Variants in AGPAT3 observed in about 807,000 individuals in gnomAD.
The protein encoded by AGPAT3 is 1-acyl-sn-glycerol-3-phosphate acyltransferase gamma.
Under a neutral mutation model 47.3 loss-of-function variants are expected in AGPAT3, and 5 were observed. The ratio of observed to expected loss-of-function variants is 0.11; its 90% CI spans 0.06 to 0.22. AGPAT3 has a LOEUF of 0.22. Among genes scored for constraint, AGPAT3 ranks in the 10% least tolerant of loss-of-function variants. The pLI is 1.00. For synonymous variants in AGPAT3, 212 were observed against 208.3 expected (o/e 1.02, Z -0.15); for missense variants, 315 against 493.0 (o/e 0.64, Z 3.42).
chr21:43,932,181 C>A lies in AGPAT3; in HGVS notation c.-48-27453C>A, dbSNP rs2087271346. Among the ~76,000 whole-genome samples, 1 of 152,166 alleles carries A rather than the reference C, an allele frequency of 6.6e-6. No individual in the cohort carries two copies. The highest frequency in any genetic ancestry group is 6.5e-5 in the Admixed American group (1 of 15,268). On this transcript the variant is annotated intron_variant, in intron 2 of 9. Coordinates refer to ENST00000291572, the MANE Select transcript of AGPAT3 (RefSeq NM_020132.5). This position sits in a 1 kb window ranked among gnomAD's most constrained non-coding sequence, Gnocchi z 5.2. Reference sequence around the variant, plus strand: ...ATGATACGTTATTGTTAACTGGTCGCCACGCAGCGCGGCCGATCACGAACA... The same window carrying A: ...ATGATACGTTATTGTTAACTGGTCGACACGCAGCGCGGCCGATCACGAACA...
intron 1 of AGPAT3, among the ~76,000 whole-genome samples, chr21:43,888,384 T>C (rs2086027075): frequency 1.0e-5 from 1 of 95,302 alleles, no homozygotes; most frequent in Non-Finnish European, 2.0e-5. Context: ...CCACCTGGAA[T>C]TGTTTTTGTG....
Position 43,984,787 on chromosome 21 carries a change from C to G in AGPAT3, c.*2395C>G, listed in dbSNP as rs186084145. 33 of 184,944 alleles carry G rather than the reference C, an allele frequency of 1.8e-4. No homozygotes were observed. Among genetic ancestry groups the G allele is most frequent in the African/African-American group, 3.2e-4 (13 of 40,542 alleles). The allele number at this position is 184,944 out of a possible 1,614,324, so 11.5% of individuals were successfully genotyped here. A position where few individuals can be genotyped will look rare whatever the true frequency, so the allele number is the denominator to read the frequency against. On this transcript the variant is annotated 3_prime_UTR_variant, in exon 10 of 10. Coordinates refer to ENST00000291572, the MANE Select transcript of AGPAT3 (RefSeq NM_020132.5). ...TAAATTAAATTCATAAATCCCAGAA[C>G]AGTCTTTTTTTTTTCTTTTTCCTTT...
rs547051583 is a variant in AGPAT3 at position 43,920,384 on chromosome 21, A to G, written c.-49+16365A>G. ...GCAGGTGATGCTTGGTGAGTGTGAT[A>G]GTGTGATGTAATCAGAAACATACTT... On this transcript the variant is annotated intron_variant, in intron 2 of 9. Coordinates refer to ENST00000291572, the MANE Select transcript of AGPAT3 (RefSeq NM_020132.5). This position sits in a 1 kb window ranked among gnomAD's most constrained non-coding sequence, Gnocchi z 6.1. Among the ~76,000 whole-genome samples, 3 of 152,122 alleles carry G rather than the reference A, an allele frequency of 2.0e-5. No individual in the cohort carries two copies. The East Asian group carries it at 5.8e-4, about 29-fold the overall frequency.
At position 43,920,035 on chromosome 21, in the gene AGPAT3, G is replaced by A. The variant is rs1270149981; in HGVS notation, c.-49+16016G>A. 1 of 152,168 alleles carries A rather than the reference G, an allele frequency of 6.6e-6. No homozygotes were observed. The highest frequency in any genetic ancestry group is 1.5e-5 in the Non-Finnish European group (1 of 68,026). 9.4% of individuals were successfully genotyped at this position (152,168 alleles called of 1,614,324 possible). ...CTGCATCTCCATGCTTGGAGTCCGC[G>A]GGGGGTCTCCAGACAGGATCCTGGT... On this transcript the variant is annotated intron_variant, in intron 2 of 9. Transcript: ENST00000291572. The surrounding 1 kb of genome is among the most constrained non-coding windows in gnomAD (Gnocchi z 6.1).
rs1288984988 is a variant in AGPAT3, at chr21:43,922,403, G to T, written c.-49+18384G>T. ...CAGGCAGGGACCTGCTTCAGTCCTC[G>T]AAGGAGGCTGCTGGCTTGTGACCCT... On this transcript the variant is annotated intron_variant, in intron 2 of 9. Transcript: ENST00000291572. This position sits in a 1 kb window ranked among gnomAD's most constrained non-coding sequence, Gnocchi z 4.9. 2.0e-5 allele frequency among the ~76,000 whole-genome samples: 3 copies of T among 152,178 alleles called. No individual in the cohort carries two copies. Among genetic ancestry groups the T allele is most frequent in the African/African-American group, 7.2e-5 (3 of 41,428 alleles).
intron 1 of AGPAT3, among the ~76,000 whole-genome samples, chr21:43,883,491 T>G (rs900596466): frequency 6.6e-6 from 1 of 152,266 alleles, no homozygotes; most frequent in African/African-American, 2.4e-5. Context: ...CTGTTCCTTG[T>G]CACTCAGCCT....
intron 2 of AGPAT3, among the ~76,000 whole-genome samples, chr21:43,931,559 A>G (rs564365060): frequency 6.6e-6 from 1 of 152,262 alleles, no homozygotes; most frequent in Non-Finnish European, 1.5e-5. Flanking sequence ...TTAACCTTGA[A>G]AAAGAGATGT....
intron 7 of AGPAT3, among the ~76,000 whole-genome samples, chr21:43,973,465 G>C (rs979258029): frequency 6.6e-6 from 1 of 152,196 alleles, no homozygotes; most frequent in Non-Finnish European, 1.5e-5. Flanking sequence ...CTTGAGGCTG[G>C]GTGGTCAGAG....
intron 1 of AGPAT3, among the ~76,000 whole-genome samples, chr21:43,889,246 A>G (rs932196684): frequency 6.8e-6 from 1 of 147,402 alleles, no homozygotes; most frequent in African/African-American, 2.5e-5. Context: ...CCAAAGGGAA[A>G]CCTTCCTTGT....
chr21:43,866,126 T>G (rs940670344), intron 1 of AGPAT3, among the ~76,000 whole-genome samples: 7 of 151,098 alleles, frequency 4.6e-5, no homozygotes, highest in Admixed American at 1.3e-4. Context: ...CAGTGTTTTT[T>G]TTTTTTTTTT....
At chr21:43,869,852 C>A (rs2085583550) in intron 1 of AGPAT3, among the ~76,000 whole-genome samples, 1 of 152,212 alleles carries the variant, frequency 6.6e-6, no homozygotes, top group Non-Finnish European at 1.5e-5. Flanking sequence ...GCCTCAGAAA[C>A]AAAGTTTAGG....
At chr21:43,883,368 C>G (rs1324261006) in intron 1 of AGPAT3, among the ~76,000 whole-genome samples, 1 of 152,220 alleles carries the variant, frequency 6.6e-6, no homozygotes, top group African/African-American at 2.4e-5. Flanking sequence ...CGGTTCTGAG[C>G]CTCTTGGACA....
intron 2 of AGPAT3, among the ~76,000 whole-genome samples, chr21:43,953,264 C>T (rs903731877): frequency 6.6e-6 from 1 of 152,206 alleles, no homozygotes; most frequent in Non-Finnish European, 1.5e-5. Flanking sequence ...TGCATCCCCG[C>T]AGCTAGGAAG....
At chr21:43,941,181 A>G (rs1291559377) in intron 2 of AGPAT3, among the ~76,000 whole-genome samples, 2 of 152,200 alleles carry the variant, frequency 1.3e-5, no homozygotes, top group East Asian at 3.9e-4. Flanking sequence ...TCCTAGGAAG[A>G]GACCACAGCT....
chr21:43,942,967 C>T (rs758192505), intron 2 of AGPAT3, among the ~76,000 whole-genome samples: 4 of 152,246 alleles, frequency 2.6e-5, no homozygotes, highest in Middle Eastern at 3.2e-3. Context: ...AGACAGGCCT[C>T]GGAGCCTTGT....
intron 1 of AGPAT3, among the ~76,000 whole-genome samples, chr21:43,865,855 C>G (rs1056152182): frequency 4.6e-5 from 7 of 152,172 alleles, no homozygotes; most frequent in Admixed American, 3.9e-4. Context: ...GGGGCCTCCT[C>G]CTCGCGCGCC....
At position 43,959,754 on chromosome 21, in the gene AGPAT3, G is replaced by C. The variant is rs2088733815; in HGVS notation, c.73G>C (p.Gly25Arg). The change falls in exon 3 of 10, where the codon GGT becomes CGT. Residue 25 changes from glycine to arginine, a missense_variant. Transcript: ENST00000291572. ...GGTCGGCTTTGTCTTCGTGGTGAGT[G>C]GTCTGGTCATCAACTTCGTCCAGCT... is the stretch of plus-strand genomic sequence containing the variant. ...LLVGFVFVVS[G>R]LVINFVQLCT... 1 of 1,613,778 alleles carries C rather than the reference G, an allele frequency of 6.2e-7. No individual in the cohort carries two copies. Among genetic ancestry groups the C allele is most frequent in the African/African-American group, 1.3e-5 (1 of 74,902 alleles).
At position 43,930,312 on chromosome 21, in the gene AGPAT3, C is replaced by T. The variant is rs562087912; in HGVS notation, c.-49+26293C>T. On this transcript the variant is annotated intron_variant, in intron 2 of 9. Coordinates refer to ENST00000291572, the MANE Select transcript of AGPAT3 (RefSeq NM_020132.5). This position sits in a 1 kb window ranked among gnomAD's most constrained non-coding sequence, Gnocchi z 5.0. Reference sequence around the variant, plus strand: ...ATGCAGCCCGGTTCCCTGTCCTGGGCCTGCCAGTGACTTTGTGGTCCTGGG... The same window carrying T: ...ATGCAGCCCGGTTCCCTGTCCTGGGTCTGCCAGTGACTTTGTGGTCCTGGG... Among the ~76,000 whole-genome samples, 1 of 152,242 alleles carries T rather than the reference C, an allele frequency of 6.6e-6. No homozygotes were observed. Among genetic ancestry groups the T allele is most frequent in the Non-Finnish European group, 1.5e-5 (1 of 68,002 alleles).
At chr21:43,899,765 G>T (rs947624641) in intron 1 of AGPAT3, among the ~76,000 whole-genome samples, 1 of 152,156 alleles carries the variant, frequency 6.6e-6, no homozygotes, top group Non-Finnish European at 1.5e-5. Context: ...CAGCTGCCTC[G>T]GCCCCGGTTC....
Sources: gnomAD v4.1 joint callset for allele counts (sites outside exome capture counted in the v4.1 genomes callset) on GRCh38, gnomAD v4.1.1 for gene constraint, Gnocchi (gnomAD v3.1) non-coding constraint, MANE v1.5 for transcripts, NCBI Gene and HGNC (gene_info 2026-07-23, HGNC 2026-07-21) for gene names.